PLPPR1: variants seen among roughly 807,000 people sequenced by gnomAD.
PLPPR1 encodes the protein phospholipid phosphatase related 1.
A neutral mutation model predicts 33.1 loss-of-function variants in PLPPR1; 10 were observed. That is an observed-to-expected ratio of 0.30 (90% CI 0.19 to 0.51). The LOEUF is 0.51. Ranked by LOEUF, PLPPR1 falls within the 20% of genes least tolerant of loss-of-function variation. The pLI is 0.97. For missense variants in PLPPR1, 304 were observed against 408.1 expected, an observed-to-expected ratio of 0.74 and a Z score of 2.20; for synonymous variants, 151 against 151.0, an observed-to-expected ratio of 1.00 and a Z score of 0.00.
intron 1 of PLPPR1, among the ~76,000 whole-genome samples, chr9:101,111,266 A>G (rs1400829377): frequency 2.6e-5 from 4 of 152,198 alleles, no homozygotes; most frequent in Non-Finnish European, 4.4e-5. Flanking sequence ...GTTTTCAGAA[A>G]ATAACAAATA....
chr9:101,155,495 G>A (rs987381598), intron 1 of PLPPR1, among the ~76,000 whole-genome samples: 4 of 152,134 alleles, frequency 2.6e-5, no homozygotes, highest in Non-Finnish European at 5.9e-5. Flanking sequence ...CGTGACAACA[G>A]CATTAATCCA....
chr9:101,197,781 TGTA>T (rs1291705853), intron 2 of PLPPR1, among the ~76,000 whole-genome samples: 6 of 152,212 alleles, frequency 3.9e-5, no homozygotes, highest in Non-Finnish European at 5.9e-5. Flanking sequence ...TATTGATGTG[TGTA>T]GTATGAAATA....
chr9:101,225,186 C>T (rs1827037590), intron 2 of PLPPR1, among the ~76,000 whole-genome samples: 2 of 152,086 alleles, frequency 1.3e-5, no homozygotes, highest in Admixed American at 1.3e-4. Context: ...ATGCATGTTA[C>T]CATGAATTTG....
intron 2 of PLPPR1, among the ~76,000 whole-genome samples, chr9:101,253,505 G>A (rs1214408636): frequency 6.6e-6 from 1 of 151,762 alleles, no homozygotes; most frequent in African/African-American, 2.4e-5. Flanking sequence ...CATGCCCCTG[G>A]ACTCCAGCCT....
At chr9:101,314,887 G>C (rs939844929) in intron 6 of PLPPR1, among the ~76,000 whole-genome samples, 1 of 152,234 alleles carries the variant, frequency 6.6e-6, no homozygotes, top group Non-Finnish European at 1.5e-5. Flanking sequence ...TCTGGATGAA[G>C]TTGCAGGAAA....
intron 1 of PLPPR1, among the ~76,000 whole-genome samples, chr9:101,179,434 T>C (rs908985857): frequency 2.6e-5 from 4 of 152,214 alleles, no homozygotes; most frequent in Admixed American, 2.0e-4. Context: ...ATTTCCTCCT[T>C]CTTTTGTTAA....
chr9:101,178,634 A>G (rs1283781762), intron 1 of PLPPR1, among the ~76,000 whole-genome samples: 1 of 152,156 alleles, frequency 6.6e-6, no homozygotes, highest in African/African-American at 2.4e-5. Flanking sequence ...GTACCCTATC[A>G]TCCTGAAGCA....
intron 2 of PLPPR1, among the ~76,000 whole-genome samples, chr9:101,260,081 C>T (rs558495880): frequency 6.6e-6 from 1 of 152,186 alleles, no homozygotes; most frequent in South Asian, 2.1e-4. Context: ...TTTCATACTG[C>T]CTCCTTGCTA....
rs117607844 is a variant in PLPPR1 at position 101,083,900 on chromosome 9, C to T, written c.-46+54798C>T. Reference sequence around the variant, plus strand: ...CATGAGACCTCCACCTTGGCTGATACTGCCTAATTAATCTTTACAGCTCAT... The same window carrying T: ...CATGAGACCTCCACCTTGGCTGATATTGCCTAATTAATCTTTACAGCTCAT... On this transcript the variant is annotated intron_variant, in intron 1 of 7. Coordinates refer to ENST00000374874, the MANE Select transcript of PLPPR1 (RefSeq NM_207299.2). 5.1e-3 allele frequency among the ~76,000 whole-genome samples: 778 copies of T among 152,342 alleles called. 2 individuals are homozygous for T. Among genetic ancestry groups the T allele is most frequent in the Middle Eastern group, 0.01 (3 of 294 alleles).
intron 1 of PLPPR1, among the ~76,000 whole-genome samples, chr9:101,040,000 T>C (rs1365730575): frequency 6.6e-6 from 1 of 152,102 alleles, no homozygotes; most frequent in Non-Finnish European, 1.5e-5. Context: ...TGAAAACTTT[T>C]CAGAATATCA....
At chr9:101,181,940 C>CAT (rs1826122274) in intron 1 of PLPPR1, among the ~76,000 whole-genome samples, 1 of 149,768 alleles carries the variant, frequency 6.7e-6, no homozygotes, top group African/African-American at 2.5e-5. Flanking sequence ...TATATACACA[C>CAT]ACATACATAC....
At chr9:101,302,097 CTGTA>C (rs1828764653) in intron 4 of PLPPR1, among the ~76,000 whole-genome samples, 3 of 152,230 alleles carry the variant, frequency 2.0e-5, no homozygotes, top group Non-Finnish European at 4.4e-5. Flanking sequence ...TACTCACTAG[CTGTA>C]TGACCTTGGT....
intron 4 of PLPPR1, among the ~76,000 whole-genome samples, chr9:101,289,791 G>T: frequency 6.6e-6 from 1 of 152,256 alleles, no homozygotes; most frequent in East Asian, 1.9e-4. Context: ...TCTTTGCTTT[G>T]TAAATCGCCC....
intron 2 of PLPPR1, among the ~76,000 whole-genome samples, chr9:101,253,335 G>T (rs955954078): frequency 6.6e-6 from 1 of 151,944 alleles, no homozygotes; most frequent in Non-Finnish European, 1.5e-5. Flanking sequence ...ATCATTTGAG[G>T]TTAGGAGTTC....
At chr9:101,164,219 C>G (rs1285537237) in intron 1 of PLPPR1, among the ~76,000 whole-genome samples, 2 of 152,168 alleles carry the variant, frequency 1.3e-5, no homozygotes, top group Non-Finnish European at 2.9e-5. Context: ...TACTTATCAG[C>G]TGTGTGAACC....
chr9:101,059,018 G>C (rs563607476), intron 1 of PLPPR1, among the ~76,000 whole-genome samples: 1 of 152,128 alleles, frequency 6.6e-6, no homozygotes, highest in Non-Finnish European at 1.5e-5. Context: ...CTGGTGGGGG[G>C]AGAACTAAAA....
chr9:101,229,478 T>A (rs181133186), intron 2 of PLPPR1, among the ~76,000 whole-genome samples: 1 of 152,288 alleles, frequency 6.6e-6, no homozygotes, highest in Admixed American at 6.5e-5. Flanking sequence ...AAATGTTTAA[T>A]CATTCATAGG....
intron 2 of PLPPR1, among the ~76,000 whole-genome samples, chr9:101,204,672 A>G (rs1826556099): frequency 6.6e-6 from 1 of 152,070 alleles, no homozygotes; most frequent in Non-Finnish European, 1.5e-5. Flanking sequence ...TACTGAATGG[A>G]TTTCTAAGCT....
intron 2 of PLPPR1, among the ~76,000 whole-genome samples, chr9:101,196,616 C>T (rs918353452): frequency 2.0e-5 from 3 of 152,192 alleles, no homozygotes; most frequent in Non-Finnish European, 2.9e-5. Flanking sequence ...AATCCCAGCA[C>T]TTTGGGAGGC....
Sources: gnomAD v4.1 joint callset for allele counts (sites outside exome capture counted in the v4.1 genomes callset) on GRCh38, gnomAD v4.1.1 for gene constraint, MANE v1.5 for transcripts, NCBI Gene and HGNC (gene_info 2026-07-23, HGNC 2026-07-21) for gene names.